Variants in RASGEF1A observed in about 807,000 individuals in gnomAD.
RASGEF1A encodes the protein RasGEF domain family member 1A.
A neutral mutation model predicts 56.4 loss-of-function variants in RASGEF1A; 18 were observed. The ratio of observed to expected loss-of-function variants is 0.32; its 90% CI spans 0.22 to 0.47. RASGEF1A has a LOEUF of 0.47. Ranked by LOEUF, RASGEF1A falls within the 20% of genes least tolerant of loss-of-function variation. The pLI is 1.00. For synonymous variants in RASGEF1A, 245 were observed against 242.6 expected, an observed-to-expected ratio of 1.01 and a Z score of -0.09; for missense variants, 422 against 627.1, an observed-to-expected ratio of 0.67 and a Z score of 3.49.
intron 1 of RASGEF1A, among the ~76,000 whole-genome samples, chr10:43,241,678 AAAAC>A (rs553429494): frequency 9.5e-4 from 144 of 152,350 alleles, no homozygotes; most frequent in African/African-American, 3.3e-3. Context: ...TAAGACATAA[AAAAC>A]AAATAGCAAA....
chr10:43,266,385 T>C (rs1202651710), intron 1 of RASGEF1A, among the ~76,000 whole-genome samples: 1 of 152,108 alleles, frequency 6.6e-6, no homozygotes, highest in Non-Finnish European at 1.5e-5. Flanking sequence ...GGGCGTGAGA[T>C]ACCACGGCGG....
At chr10:43,230,063 G>A (rs541721228) in intron 1 of RASGEF1A, among the ~76,000 whole-genome samples, 1 of 151,928 alleles carries the variant, frequency 6.6e-6, no homozygotes, top group African/African-American at 2.4e-5. Flanking sequence ...CGGTGCTGGC[G>A]CGCGGGGCCG....
chr10:43,207,328 G>A, intron 1 of RASGEF1A: 1 of 985,168 alleles, frequency 1.0e-6, no homozygotes, highest in Non-Finnish European at 1.2e-6. Flanking sequence ...CAGGACCGTG[G>A]GCCTCTGCCC....
intron 1 of RASGEF1A, among the ~76,000 whole-genome samples, chr10:43,216,693 C>T (rs1840141842): frequency 6.6e-6 from 1 of 152,140 alleles, no homozygotes; most frequent in Non-Finnish European, 1.5e-5. Flanking sequence ...AAACTGCCCG[C>T]CTTGGGGAGG....
chr10:43,256,941 G>A (rs368477590), intron 1 of RASGEF1A, among the ~76,000 whole-genome samples: 9 of 152,170 alleles, frequency 5.9e-5, no homozygotes, highest in South Asian at 2.1e-4. Context: ...TGCCTTCATC[G>A]CTCCCTCCTG....
chr10:43,237,512 T>C (rs1352790287), intron 1 of RASGEF1A, among the ~76,000 whole-genome samples: 1 of 139,196 alleles, frequency 7.2e-6, no homozygotes, highest in African/African-American at 2.6e-5. Context: ...GACACAGTCC[T>C]CCTGACCCCG....
chr10:43,239,987 A>T (rs955042740), intron 1 of RASGEF1A, among the ~76,000 whole-genome samples: 1 of 152,188 alleles, frequency 6.6e-6, no homozygotes, highest in African/African-American at 2.4e-5. Flanking sequence ...CATTCCTGAG[A>T]ATCTAGAAGG....
intron 1 of RASGEF1A, among the ~76,000 whole-genome samples, chr10:43,238,465 TATTTC>T (rs925148830): frequency 1.3e-5 from 2 of 152,234 alleles, no homozygotes; most frequent in African/African-American, 4.8e-5. Context: ...AGTTTACTTA[TATTTC>T]ATTTAAGTTT....
Position 43,257,664 on chromosome 10 carries a change from G to A in RASGEF1A, c.-7+9181C>T, listed in dbSNP as rs1043770567. 4.6e-5 allele frequency among the ~76,000 whole-genome samples: 7 copies of A among 152,222 alleles called. No homozygotes were observed. The South Asian group carries it at 8.3e-4, about 18-fold the overall frequency. On this transcript the variant is annotated intron_variant, in intron 1 of 12. Coordinates refer to ENST00000395810, the MANE Select transcript of RASGEF1A (RefSeq NM_145313.4). ...GGGCAACAACAGGGTCCAGGGTCCC[G>A]TCAGCGGTGCCCTCCCCATTCTAAA...
intron 1 of RASGEF1A, among the ~76,000 whole-genome samples, chr10:43,255,381 G>A (rs984562595): frequency 1.3e-5 from 2 of 152,094 alleles, no homozygotes; most frequent in Non-Finnish European, 2.9e-5. Flanking sequence ...GGGGCAGGCT[G>A]AGGTGAGAGA....
At chr10:43,246,061 T>C (rs1356734682) in intron 1 of RASGEF1A, among the ~76,000 whole-genome samples, 1 of 152,054 alleles carries the variant, frequency 6.6e-6, no homozygotes, top group Non-Finnish European at 1.5e-5. Flanking sequence ...AATAAATAAA[T>C]TCAGCAAGGC....
intron 1 of RASGEF1A, among the ~76,000 whole-genome samples, chr10:43,245,271 G>T (rs1245090049): frequency 1.3e-5 from 2 of 152,096 alleles, no homozygotes; most frequent in Admixed American, 1.3e-4. Flanking sequence ...CCTATAACAA[G>T]ATATTGAATT....
chr10:43,218,780 C>T (rs1238669271), intron 1 of RASGEF1A, among the ~76,000 whole-genome samples: 1 of 152,278 alleles, frequency 6.6e-6, no homozygotes, highest in South Asian at 2.1e-4. Flanking sequence ...AGCACGACAG[C>T]GCCTCACAGG....
intron 1 of RASGEF1A, among the ~76,000 whole-genome samples, chr10:43,240,517 G>A (rs1414040089): frequency 6.6e-6 from 1 of 152,062 alleles, no homozygotes; most frequent in Non-Finnish European, 1.5e-5. Context: ...TATCAATAAA[G>A]GAATACAAAT....
At chr10:43,254,974 G>A (rs1204274157) in intron 1 of RASGEF1A, among the ~76,000 whole-genome samples, 1 of 152,024 alleles carries the variant, frequency 6.6e-6, no homozygotes, top group Non-Finnish European at 1.5e-5. Flanking sequence ...CACTCGGCTG[G>A]GAACACTGGG....
intron 1 of RASGEF1A, among the ~76,000 whole-genome samples, chr10:43,245,947 T>C (rs911716495): frequency 6.6e-6 from 1 of 152,152 alleles, no homozygotes; most frequent in Non-Finnish European, 1.5e-5. Flanking sequence ...AAGACACCCA[T>C]ATTGAAAAGA....
intron 1 of RASGEF1A, among the ~76,000 whole-genome samples, chr10:43,257,275 C>A (rs1262578573): frequency 6.6e-6 from 1 of 152,216 alleles, no homozygotes. Flanking sequence ...ACTCTTGACC[C>A]CTCCAAGCCT....
intron 1 of RASGEF1A, among the ~76,000 whole-genome samples, chr10:43,258,399 C>T (rs1836464589): frequency 1.3e-5 from 2 of 152,180 alleles, no homozygotes; most frequent in South Asian, 4.1e-4. Context: ...GAAGTCTAGC[C>T]TCGGTCACCA....
At chr10:43,210,609 G>A (rs1290825424) in intron 1 of RASGEF1A, among the ~76,000 whole-genome samples, 1 of 152,268 alleles carries the variant, frequency 6.6e-6, no homozygotes. Context: ...GGGCAGGAGA[G>A]GCACTGGCAT....
Sources: allele counts gnomAD v4.1 joint callset (sites outside exome capture counted in the v4.1 genomes callset), GRCh38; gene constraint gnomAD v4.1.1; transcripts MANE v1.5; gene names NCBI Gene and HGNC (gene_info 2026-07-23, HGNC 2026-07-21).